SYN3: variants seen among roughly 807,000 people sequenced by gnomAD.
The protein encoded by SYN3 is synapsin III, also known as synapsin-3.
A neutral mutation model predicts 65.8 loss-of-function variants in SYN3; 35 were observed. The ratio of observed to expected loss-of-function variants is 0.53; its 90% CI spans 0.41 to 0.70. The LOEUF is 0.70. Among genes scored for constraint, SYN3 ranks in the 30% least tolerant of loss-of-function variants. SYN3 has a pLI of 0.00. For missense variants in SYN3, 680 were observed against 749.0 expected, an observed-to-expected ratio of 0.91 and a Z score of 1.08; for synonymous variants, 270 against 292.9, an observed-to-expected ratio of 0.92 and a Z score of 0.80.
chr22:32,518,296 A>G lies in SYN3; in HGVS notation c.1357T>C (p.Ser453Pro), dbSNP rs1399631982. 6.2e-7 allele frequency: 1 copy of G among 1,610,202 alleles called. No homozygotes were observed. Among genetic ancestry groups the G allele is most frequent in the Non-Finnish European group, 8.5e-7 (1 of 1,177,884 alleles). The change falls in exon 13 of 14, where the codon TCT (serine) becomes CCT (proline). Residue 453 changes from serine (S) to proline (P), a missense_variant. Transcript: ENST00000358763. ...AGCCTCTGTTGGGAGGGGCTTCCAG[A>G]TCTCTGGGGCTGAGGAGACTGAGCT... ...RQAQSPQPQR[S>P]GSPSQQRLSP...
At chr22:32,585,008 C>T (rs1318373456) in intron 7 of SYN3, among the ~76,000 whole-genome samples, 3 of 152,172 alleles carry the variant, frequency 2.0e-5, no homozygotes, top group African/African-American at 7.2e-5. Flanking sequence ...TGGCAGCAAG[C>T]AGAACAGGGC....
intron 1 of SYN3, among the ~76,000 whole-genome samples, chr22:33,042,282 T>C (rs1039155957): frequency 2.6e-5 from 4 of 152,132 alleles, no homozygotes; most frequent in African/African-American, 9.7e-5. Flanking sequence ...CCAACACAGT[T>C]GAGAACTTGG....
intron 2 of SYN3, among the ~76,000 whole-genome samples, chr22:32,984,388 TCTC>T (rs2052464174): frequency 1.3e-5 from 2 of 152,038 alleles, no homozygotes; most frequent in East Asian, 1.9e-4. Context: ...CCCCACCCAC[TCTC>T]CTCTGCACCA....
chr22:32,800,283 G>C (rs974278296), intron 6 of SYN3, among the ~76,000 whole-genome samples: 4 of 152,150 alleles, frequency 2.6e-5, no homozygotes, highest in Non-Finnish European at 4.4e-5. Flanking sequence ...CAAAAGTGTA[G>C]AAAGATGGAA....
intron 7 of SYN3, among the ~76,000 whole-genome samples, chr22:32,548,239 T>C (rs2058362120): frequency 6.6e-6 from 1 of 152,180 alleles, no homozygotes; most frequent in Non-Finnish European, 1.5e-5. Context: ...GTTCCGAGCC[T>C]GCATGGGGTT....
At chr22:33,041,139 G>A (rs1056011241) in intron 1 of SYN3, among the ~76,000 whole-genome samples, 2 of 151,868 alleles carry the variant, frequency 1.3e-5, no homozygotes, top group Admixed American at 6.6e-5. Context: ...GGATGGTCTC[G>A]ATCTCCTGAC....
intron 6 of SYN3, among the ~76,000 whole-genome samples, chr22:32,814,702 C>CA (rs1173569775): frequency 6.6e-6 from 1 of 152,054 alleles, no homozygotes; most frequent in Non-Finnish European, 1.5e-5. Context: ...TATTTTGTTT[C>CA]AAAAAGTTAA....
chr22:33,007,845 A>T (rs2053236509), intron 1 of SYN3, among the ~76,000 whole-genome samples: 1 of 152,200 alleles, frequency 6.6e-6, no homozygotes, highest in Non-Finnish European at 1.5e-5. Flanking sequence ...AAAAACCCAC[A>T]CTGTTCATTT....
At chr22:33,010,187 G>A (rs538414565) in intron 1 of SYN3, among the ~76,000 whole-genome samples, 169 of 151,260 alleles carry the variant, frequency 1.1e-3, no homozygotes, top group African/African-American at 3.7e-3. Context: ...AGCCAGGATC[G>A]CATCATTGCA....
intron 4 of SYN3, among the ~76,000 whole-genome samples, chr22:32,886,532 T>C (rs2049292516): frequency 6.6e-6 from 1 of 152,198 alleles, no homozygotes; most frequent in Non-Finnish European, 1.5e-5. Flanking sequence ...ATATATACTT[T>C]ATAAAGGCAT....
intron 7 of SYN3, among the ~76,000 whole-genome samples, chr22:32,556,565 G>A (rs1220876388): frequency 2.0e-5 from 3 of 152,100 alleles, no homozygotes; most frequent in Non-Finnish European, 4.4e-5. Flanking sequence ...TGAGTCTGTG[G>A]CGCTCCAGGA....
At chr22:32,752,470 G>A (rs1232766260) in intron 6 of SYN3, among the ~76,000 whole-genome samples, 1 of 152,194 alleles carries the variant, frequency 6.6e-6, no homozygotes, top group Non-Finnish European at 1.5e-5. Flanking sequence ...CTCAGCACAA[G>A]GTTGTGGGTC....
intron 4 of SYN3, among the ~76,000 whole-genome samples, chr22:32,919,162 C>A (rs995703250): frequency 2.0e-5 from 3 of 152,156 alleles, no homozygotes; most frequent in African/African-American, 7.2e-5. Flanking sequence ...GTGTGCATGT[C>A]CACCCAAAGT....
Position 32,801,815 on chromosome 22 carries a change from G to T in SYN3, c.711+63100C>A. On this transcript the variant is annotated intron_variant, in intron 6 of 13. Coordinates refer to ENST00000358763, the MANE Select transcript of SYN3 (RefSeq NM_003490.4). This position sits in a 1 kb window ranked among gnomAD's most constrained non-coding sequence, Gnocchi z 4.7. ...GCCGCCCGCCGAGTCCTGCGCCAGC[G>T]CCGAGGCAGCCTCGCTGCGCCCCAT... 1 of 592,020 alleles carries T rather than the reference G, an allele frequency of 1.7e-6. No individual in the cohort carries two copies. 36.7% of individuals were successfully genotyped at this position (592,020 alleles called of 1,614,324 possible).
At chr22:32,889,669 T>G (rs1004445544) in intron 4 of SYN3, among the ~76,000 whole-genome samples, 1 of 152,138 alleles carries the variant, frequency 6.6e-6, no homozygotes, top group Non-Finnish European at 1.5e-5. Context: ...TGTAATCTTT[T>G]TAAAACTGAC....
At chr22:32,782,073 A>AT (rs57236777) in intron 6 of SYN3, among the ~76,000 whole-genome samples, 232 of 144,012 alleles carry the variant, frequency 1.6e-3, no homozygotes, top group South Asian at 7.1e-3. Flanking sequence ...AGGCTCTGTA[A>AT]TTTTTTTTTT....
chr22:32,959,358 T>C (rs529907363), intron 3 of SYN3, among the ~76,000 whole-genome samples: 3 of 152,036 alleles, frequency 2.0e-5, no homozygotes, highest in African/African-American at 7.2e-5. Context: ...TTCTGTAAAT[T>C]GCCCAGTCTC....
Position 32,708,193 on chromosome 22 carries a change from G to A in SYN3, c.712-111457C>T, listed in dbSNP as rs371753047. Among the ~76,000 whole-genome samples, 22 of 152,350 alleles carry A rather than the reference G, an allele frequency of 1.4e-4. No homozygotes were observed. The East Asian group carries it at 2.7e-3, about 19-fold the overall frequency. ...CTGCAGCAGGCAGTGGTGTGGCCAC[G>A]TTGGGGGCTGTCACGGCAGTCTACA... On this transcript the variant is annotated intron_variant, in intron 6 of 13. Transcript: ENST00000358763.
intron 8 of SYN3, 56 bp from the exon 9 acceptor site, chr22:32,538,166 C>T: frequency 6.6e-7 from 1 of 1,525,482 alleles, no homozygotes; most frequent in East Asian, 2.3e-5. Context: ...CACTGATCTG[C>T]TTTCCTTCTT....
Sources: allele counts gnomAD v4.1 joint callset (sites outside exome capture counted in the v4.1 genomes callset), GRCh38; gene constraint gnomAD v4.1.1; non-coding constraint Gnocchi (gnomAD v3.1); transcripts MANE v1.5; gene names NCBI Gene and HGNC (gene_info 2026-07-23, HGNC 2026-07-21).